The following TMC1 variants were observed in gnomAD, a reference collection of about 807,000 sequenced individuals.
TMC1 encodes the protein transmembrane channel like 1, also known as transmembrane channel-like protein 1.
In TMC1, 84 loss-of-function variants were observed where a neutral mutation model predicts 105.8. The observed-to-expected ratio is 0.79, with a 90% CI of 0.67 to 0.95. The LOEUF (loss-of-function observed/expected upper bound fraction) is 0.95. Ranked by LOEUF, TMC1 falls within the 40% of genes least tolerant of loss-of-function variation. The pLI, the probability that TMC1 is intolerant of heterozygous loss-of-function variation, is 0.00. For synonymous variants in TMC1, 315 were observed against 311.5 expected, an observed-to-expected ratio of 1.01 and a Z score of -0.12; for missense variants, 817 against 914.1, an observed-to-expected ratio of 0.89 and a Z score of 1.37.
intron 1 of TMC1, among the ~76,000 whole-genome samples, chr9:72,546,483 C>T (rs768811731): frequency 1.1e-4 from 17 of 152,098 alleles, no homozygotes; most frequent in Non-Finnish European, 1.8e-4. Flanking sequence ...TGTTTTCTTC[C>T]GGTAACGTCA....
At chr9:72,832,342 G>C (rs1394278976) in intron 23 of TMC1, among the ~76,000 whole-genome samples, 4 of 152,106 alleles carry the variant, frequency 2.6e-5, no homozygotes, top group African/African-American at 9.7e-5. Context: ...TTTCACATTG[G>C]CTGACCTTTA....
At position 72,640,056 on chromosome 9, in the gene TMC1, T is replaced by A. The variant is rs184072704; in HGVS notation, c.-52-8541T>A. Among the ~76,000 whole-genome samples the A allele has an allele frequency of 2.4e-3, 367 of 152,340 alleles. 3 individuals carry two copies. The highest frequency in any genetic ancestry group is 8.4e-3 in the African/African-American group (348 of 41,574). ...GGTTTTGCCAATCCAATTTTTTTTT[T>A]AATTAAGTGCTTAACACAGTGCCCA... On this transcript the variant is annotated intron_variant, in intron 4 of 23. Coordinates refer to ENST00000297784, the MANE Select transcript of TMC1 (RefSeq NM_138691.3).
intron 1 of TMC1, among the ~76,000 whole-genome samples, chr9:72,563,933 G>T (rs7020794): frequency 0.52 from 73,953 of 142,002 alleles, 20,390 homozygotes; most frequent in African/African-American, 0.7. Flanking sequence ...AGTATAAATT[G>T]GGGGAGGGGA....
chr9:72,791,998 T>C lies in TMC1; in HGVS notation c.1337T>C (p.Ile446Thr), dbSNP rs1828278207. The change falls in exon 16 of 24, where the codon ATT becomes ACT. Residue 446 changes from isoleucine to threonine, a missense_variant. By Grantham distance (89) the Ile-to-Thr change is moderately conservative. Coordinates refer to ENST00000297784, the MANE Select transcript of TMC1 (RefSeq NM_138691.3). ...LIALKWLLGRIFALLLGNLYV... is the reference protein window; with the variant it reads ...LIALKWLLGRTFALLLGNLYV... Reference sequence around the variant, plus strand: ...GCTTTGAAATGGCTACTGGGACGCATTTTTGCTCTTCTTTTAGGCAATTTA... The same window carrying C: ...GCTTTGAAATGGCTACTGGGACGCACTTTTGCTCTTCTTTTAGGCAATTTA... 1.2e-6 allele frequency: 2 copies of C among 1,613,980 alleles called. No individual in the cohort carries two copies. The highest frequency in any genetic ancestry group is 1.7e-6 in the Non-Finnish European group (2 of 1,179,986).
intron 2 of TMC1, among the ~76,000 whole-genome samples, chr9:72,581,772 G>A (rs552645874): frequency 2.0e-4 from 30 of 152,094 alleles, no homozygotes; most frequent in Non-Finnish European, 3.8e-4. Context: ...ATTTTTATTA[G>A]TAAACTATTT....
intron 12 of TMC1, among the ~76,000 whole-genome samples, chr9:72,756,040 C>T (rs1328226601): frequency 1.3e-5 from 2 of 152,044 alleles, no homozygotes; most frequent in Admixed American, 1.3e-4. Flanking sequence ...AACATGCAAA[C>T]CTTAAGAAAA....
chr9:72,778,899 G>A (rs757275224), intron 13 of TMC1, among the ~76,000 whole-genome samples: 18 of 152,220 alleles, frequency 1.2e-4, no homozygotes, highest in East Asian at 1.9e-4. Context: ...GCCTCCACCC[G>A]CACACAACCA....
At chr9:72,785,830 G>A (rs1450936667) in intron 13 of TMC1, among the ~76,000 whole-genome samples, 1 of 152,176 alleles carries the variant, frequency 6.6e-6, no homozygotes, top group Non-Finnish European at 1.5e-5. Flanking sequence ...ACCATGAATT[G>A]ATCACAAGTA....
chr9:72,730,647 G>T (rs1827196236), intron 8 of TMC1, among the ~76,000 whole-genome samples: 1 of 152,156 alleles, frequency 6.6e-6, no homozygotes, highest in Admixed American at 6.5e-5. Context: ...TGAGGAGATG[G>T]TTTCAGGATG....
intron 5 of TMC1, among the ~76,000 whole-genome samples, chr9:72,661,087 G>C (rs1051913223): frequency 6.6e-6 from 1 of 152,132 alleles, no homozygotes; most frequent in Non-Finnish European, 1.5e-5. Flanking sequence ...GGGAGGCAGA[G>C]GTTGCAGTGA....
chr9:72,552,975 A>T (rs1182109741), intron 1 of TMC1, among the ~76,000 whole-genome samples: 1 of 152,010 alleles, frequency 6.6e-6, no homozygotes, highest in Non-Finnish European at 1.5e-5. Flanking sequence ...TCAATTATAT[A>T]TATAATTTTT....
At chr9:72,811,356 G>A (rs1828700517) in intron 18 of TMC1, among the ~76,000 whole-genome samples, 1 of 152,062 alleles carries the variant, frequency 6.6e-6, no homozygotes, top group South Asian at 2.1e-4. Flanking sequence ...ACCAATGTAA[G>A]TTAATGTAAT....
At chr9:72,832,893 C>T (rs1350998257) in intron 23 of TMC1, among the ~76,000 whole-genome samples, 2 of 152,084 alleles carry the variant, frequency 1.3e-5, no homozygotes, top group Non-Finnish European at 2.9e-5. Context: ...GCATCTTCTT[C>T]TGCCTCCTAC....
intron 10 of TMC1, among the ~76,000 whole-genome samples, chr9:72,744,386 G>T (rs554312933): frequency 6.6e-6 from 1 of 152,012 alleles, no homozygotes; most frequent in East Asian, 1.9e-4. Context: ...AGACAAACTC[G>T]CTAAATGTCT....
At chr9:72,763,882 A>G (rs1215080479) in intron 12 of TMC1, among the ~76,000 whole-genome samples, 1 of 152,102 alleles carries the variant, frequency 6.6e-6, no homozygotes, top group East Asian at 1.9e-4. Flanking sequence ...AACAGACTGT[A>G]GACGGGCAAG....
intron 2 of TMC1, among the ~76,000 whole-genome samples, chr9:72,595,598 T>C (rs1209119128): frequency 6.6e-6 from 1 of 152,092 alleles, no homozygotes; most frequent in Non-Finnish European, 1.5e-5. Flanking sequence ...CATCCTGAGG[T>C]TGTTTTCCTT....
rs745767539 is a variant in TMC1 at position 72,740,124 on chromosome 9, CA to C, written c.375del (p.Lys125AsnfsTer3). 1 of 1,612,938 alleles carries C rather than the reference CA, an allele frequency of 6.2e-7. No individual in the cohort carries two copies. The highest frequency in any genetic ancestry group is 8.5e-7 in the Non-Finnish European group (1 of 1,179,386). Reference protein sequence around the residue: ...MEKKIEVLKEAKKFVSENEGA... With the variant: ...MEKKIEVLKEXKKFVSENEGA... The stretch of plus-strand genomic sequence containing the variant: ...TGTTATTTTTATTTTCTCAGGGAGG[CA>C]AAAAAATTTGTGAGTGAAAATGAAG... On this transcript the variant is annotated frameshift_variant, in exon 9 of 24. Transcript: ENST00000297784. LOFTEE classifies it high-confidence loss of function.
chr9:72,749,225 A>G (rs1353019393), intron 10 of TMC1, among the ~76,000 whole-genome samples: 1 of 152,212 alleles, frequency 6.6e-6, no homozygotes, highest in East Asian at 1.9e-4. Context: ...CAATAATTAG[A>G]AAAACAAAAG....
At chr9:72,776,660 C>T (rs908923033) in intron 13 of TMC1, among the ~76,000 whole-genome samples, 1 of 152,118 alleles carries the variant, frequency 6.6e-6, no homozygotes, top group Non-Finnish European at 1.5e-5. Context: ...GGTGTTCCTC[C>T]CACCAATCTT....
Sources: allele counts gnomAD v4.1 joint callset (sites outside exome capture counted in the v4.1 genomes callset), GRCh38; gene constraint gnomAD v4.1.1; transcripts MANE v1.5; gene names NCBI Gene and HGNC (gene_info 2026-07-23, HGNC 2026-07-21).